Variants in DPP6 observed in about 807,000 individuals in gnomAD.
DPP6 encodes A-type potassium channel modulatory protein DPP6.
Under a neutral mutation model 122.6 loss-of-function variants are expected in DPP6, and 69 were observed. The ratio of observed to expected loss-of-function variants is 0.56; its 90% CI spans 0.46 to 0.69. The LOEUF is 0.69. Among genes scored for constraint, DPP6 ranks in the 30% least tolerant of loss-of-function variants. DPP6 has a pLI of 0.00. For missense variants in DPP6, 928 were observed against 1,116.9 expected (o/e 0.83, Z 2.41); for synonymous variants, 418 against 433.1 (o/e 0.97, Z 0.43).
In DPP6 at chr7:154,081,434, A is replaced by T. The variant is rs1804003474; in HGVS notation, c.243+28371A>T. On this transcript the variant is annotated intron_variant, in intron 1 of 25. Coordinates refer to ENST00000377770, the MANE Select transcript of DPP6 (RefSeq NM_130797.4). ...TTTGAGAGTAGATGTGCTATTAATGATGCTAAAACAACAGACATACACTAC... is the reference window on the plus strand; with the variant it reads ...TTTGAGAGTAGATGTGCTATTAATGTTGCTAAAACAACAGACATACACTAC... Among the ~76,000 whole-genome samples, 2 of 124,584 alleles carry T rather than the reference A, an allele frequency of 1.6e-5. 1 individual carries two copies. Among genetic ancestry groups the T allele is most frequent in the South Asian group, 5.6e-4 (2 of 3,552 alleles). The allele number at this position is 124,584 out of a possible 152,430, so 81.7% of individuals were successfully genotyped here.
At chr7:154,299,851 G>C (rs1214453261) in intron 1 of DPP6, among the ~76,000 whole-genome samples, 1 of 152,220 alleles carries the variant, frequency 6.6e-6, no homozygotes, top group African/African-American at 2.4e-5. Flanking sequence ...AGGGCAAGGT[G>C]AGTGTAAATC....
chr7:153,945,370 G>A (rs921025688), intron 1 of DPP6, among the ~76,000 whole-genome samples: 1 of 152,126 alleles, frequency 6.6e-6, no homozygotes, highest in African/African-American at 2.4e-5. Flanking sequence ...GCCAGAAGCT[G>A]GGAGTCCAAT....
intron 1 of DPP6, among the ~76,000 whole-genome samples, chr7:154,147,277 C>T (rs566731796): frequency 6.6e-6 from 1 of 152,308 alleles, no homozygotes; most frequent in South Asian, 2.1e-4. Context: ...CACTTCCTTC[C>T]TGCCCAGTTC....
intron 1 of DPP6, among the ~76,000 whole-genome samples, chr7:154,076,312 C>T (rs1803547405): frequency 6.6e-6 from 1 of 151,950 alleles, no homozygotes; most frequent in Non-Finnish European, 1.5e-5. Context: ...TAGCCATGCA[C>T]AGTGGCGGGT....
intron 8 of DPP6, among the ~76,000 whole-genome samples, chr7:154,734,878 T>G (rs544663476): frequency 3.9e-5 from 6 of 152,314 alleles, no homozygotes; most frequent in Admixed American, 6.5e-5. Flanking sequence ...CAGAGGAAAT[T>G]GAAATAAGCT....
At chr7:153,776,226 G>A in the DPP6 span, among the ~76,000 whole-genome samples, 2 of 152,230 alleles carry the variant, frequency 1.3e-5, no homozygotes, top group Admixed American at 6.5e-5. Flanking sequence ...ATATGGTTTG[G>A]CTGTGTCCAC....
chr7:154,631,759 G>T (rs1265967124), intron 5 of DPP6, among the ~76,000 whole-genome samples: 1 of 152,112 alleles, frequency 6.6e-6, no homozygotes, highest in Non-Finnish European at 1.5e-5. Context: ...CAATGAGGGA[G>T]ATTTGAGTTA....
chr7:154,283,626 A>T (rs1804668295), intron 1 of DPP6, among the ~76,000 whole-genome samples: 1 of 152,028 alleles, frequency 6.6e-6, no homozygotes, highest in South Asian at 2.1e-4. Context: ...AGCACAAGGC[A>T]CTGTAGGAAT....
At chr7:154,044,047 C>A (rs962838107) in intron 1 of DPP6, among the ~76,000 whole-genome samples, 1 of 151,198 alleles carries the variant, frequency 6.6e-6, no homozygotes, top group Non-Finnish European at 1.5e-5. Context: ...CACCTCATCC[C>A]GCTGCAGCTG....
chr7:154,193,192 T>TA (rs1209920472), intron 1 of DPP6, among the ~76,000 whole-genome samples: 1 of 152,214 alleles, frequency 6.6e-6, no homozygotes. Flanking sequence ...TTGCTATAAA[T>TA]AAAAAGTACA....
intron 1 of DPP6, among the ~76,000 whole-genome samples, chr7:154,164,919 A>G (rs1475300240): frequency 6.6e-6 from 1 of 152,218 alleles, no homozygotes; most frequent in Non-Finnish European, 1.5e-5. Context: ...TGAGGCTGCT[A>G]TGAACTGTTA....
chr7:154,527,974 A>G (rs919437187), intron 3 of DPP6, among the ~76,000 whole-genome samples: 8 of 151,710 alleles, frequency 5.3e-5, no homozygotes, highest in African/African-American at 1.7e-4. Flanking sequence ...ATAATTTGTT[A>G]TTGTTATATC....
At chr7:153,792,840 C>A in the DPP6 span, among the ~76,000 whole-genome samples, 226 of 152,134 alleles carry the variant, frequency 1.5e-3, no homozygotes, top group African/African-American at 5.3e-3. Flanking sequence ...TCATGGGGGC[C>A]AGTCTTTCCC....
chr7:154,638,485 C>T lies in DPP6; in HGVS notation c.680+612C>T, dbSNP rs186223164. Among the ~76,000 whole-genome samples, 99 of 152,250 alleles carry T rather than the reference C, an allele frequency of 6.5e-4. No individual in the cohort carries two copies. The South Asian group carries it at 9.3e-3, about 14-fold the overall frequency. On this transcript the variant is annotated intron_variant, in intron 6 of 25. Transcript: ENST00000377770. ...CTGAGCTTGGCTGTGCTCCCAGGGC[C>T]GGGTTTCAGTGCCTGCTTTTGACTG...
chr7:154,874,210 T>C (rs1391693774), intron 19 of DPP6, among the ~76,000 whole-genome samples: 1 of 152,242 alleles, frequency 6.6e-6, no homozygotes, highest in Non-Finnish European at 1.5e-5. Context: ...TTCTCCAGGA[T>C]GCTAACAACT....
chr7:153,804,744 C>T, the DPP6 span, among the ~76,000 whole-genome samples: 7 of 151,904 alleles, frequency 4.6e-5, no homozygotes, highest in East Asian at 5.8e-4. Flanking sequence ...ATTAGCTGGG[C>T]GTAGTGGTGG....
chr7:154,609,871 C>G (rs1833798888), intron 5 of DPP6, among the ~76,000 whole-genome samples: 1 of 152,196 alleles, frequency 6.6e-6, no homozygotes, highest in Non-Finnish European at 1.5e-5. Context: ...TAAATCTTTG[C>G]TTTCAATAGA....
At chr7:154,796,181 T>A in intron 12 of DPP6, 1 of 401,764 alleles carries the variant, frequency 2.5e-6, no homozygotes, top group Non-Finnish European at 4.4e-6. Flanking sequence ...CTTGCTGAAT[T>A]GAAAATGAAC....
At chr7:154,187,487 T>G (rs1299986916) in intron 1 of DPP6, among the ~76,000 whole-genome samples, 1 of 152,232 alleles carries the variant, frequency 6.6e-6, no homozygotes, top group Non-Finnish European at 1.5e-5. Flanking sequence ...CCACAAATGT[T>G]AGCCCACAGA....
Sources: gnomAD v4.1 joint callset for allele counts (sites outside exome capture counted in the v4.1 genomes callset) on GRCh38, gnomAD v4.1.1 for gene constraint, MANE v1.5 for transcripts, NCBI Gene and HGNC (gene_info 2026-07-23, HGNC 2026-07-21) for gene names.